The following FRMD3 variants were observed in gnomAD, a reference collection of about 807,000 sequenced individuals.
FRMD3 encodes the protein FERM domain containing 3.
Under a neutral mutation model 70.2 loss-of-function variants are expected in FRMD3, and 33 were observed. The ratio of observed to expected loss-of-function variants is 0.47; its 90% CI spans 0.36 to 0.63. FRMD3 has a LOEUF of 0.63. Among genes scored for constraint, FRMD3 ranks in the 20% least tolerant of loss-of-function variants. FRMD3 has a pLI of 0.00. For missense variants in FRMD3, 632 were observed against 711.4 expected (o/e 0.89, Z 1.27); for synonymous variants, 279 against 255.9 (o/e 1.09, Z -0.86).
chr9:83,309,684 G>C, intron 9 of FRMD3, 60 bp from the exon 10 acceptor site: 1 of 1,098,362 alleles, frequency 9.1e-7, no homozygotes, highest in Non-Finnish European at 1.3e-6. Flanking sequence ...ATTTTCCATG[G>C]GTTTTTTTTT....
At chr9:83,394,924 A>G (rs1263822651) in intron 1 of FRMD3, among the ~76,000 whole-genome samples, 1 of 152,178 alleles carries the variant, frequency 6.6e-6, no homozygotes, top group Non-Finnish European at 1.5e-5. Flanking sequence ...TCCTTCCATA[A>G]TGGGAGAATA....
intron 1 of FRMD3, among the ~76,000 whole-genome samples, chr9:83,393,852 G>A (rs1260620023): frequency 6.6e-6 from 1 of 151,942 alleles, no homozygotes; most frequent in Admixed American, 6.6e-5. Context: ...GAGGCCCGGG[G>A]ATTGGATCCC....
chr9:83,332,682 T>C (rs1823429194), intron 6 of FRMD3, among the ~76,000 whole-genome samples: 1 of 152,162 alleles, frequency 6.6e-6, no homozygotes, highest in Non-Finnish European at 1.5e-5. Flanking sequence ...TGAGCACCTG[T>C]TGTGTTTTAT....
At chr9:83,385,391 C>A (rs920528854) in intron 2 of FRMD3, among the ~76,000 whole-genome samples, 8 of 152,074 alleles carry the variant, frequency 5.3e-5, no homozygotes, top group African/African-American at 1.9e-4. Context: ...AGTATTCAAC[C>A]TATCCTTCCC....
chr9:83,251,377 AG>A (rs746130882), intron 13 of FRMD3, among the ~76,000 whole-genome samples: 3 of 152,216 alleles, frequency 2.0e-5, no homozygotes, highest in Non-Finnish European at 4.4e-5. Context: ...GCAACCATAA[AG>A]ATCGAAGATA....
intron 13 of FRMD3, among the ~76,000 whole-genome samples, chr9:83,269,756 A>G (rs774129868): frequency 6.6e-6 from 1 of 152,146 alleles, no homozygotes; most frequent in Non-Finnish European, 1.5e-5. Context: ...AACAAACAAA[A>G]GTATTATTAT....
chr9:83,509,561 G>A lies in FRMD3; in HGVS notation c.147+28524C>T, dbSNP rs116184168. ...CAGGAGCAGCTCGTTTAATTGTTTC[G>A]TCCTGTGGTCCTTATCCTGGGAAAA... On this transcript the variant is annotated intron_variant, in intron 1 of 13. Coordinates refer to ENST00000304195, the MANE Select transcript of FRMD3 (RefSeq NM_174938.6). 6.6e-3 allele frequency among the ~76,000 whole-genome samples: 1,006 copies of A among 152,232 alleles called. 10 individuals carry two copies. The highest frequency in any genetic ancestry group is 0.023 in the African/African-American group (939 of 41,524).
intron 13 of FRMD3, among the ~76,000 whole-genome samples, chr9:83,260,179 G>A (rs571444997): frequency 2.6e-5 from 4 of 152,264 alleles, no homozygotes; most frequent in Non-Finnish European, 5.9e-5. Flanking sequence ...GGAGACAGGG[G>A]CACTAAGATT....
chr9:83,503,977 T>C (rs985177838), intron 1 of FRMD3, among the ~76,000 whole-genome samples: 3 of 152,170 alleles, frequency 2.0e-5, no homozygotes, highest in Non-Finnish European at 4.4e-5. Context: ...CTGTAGCTGG[T>C]GACAAGGGCG....
At chr9:83,542,043 G>A (rs1242778808), upstream of FRMD3, among the ~76,000 whole-genome samples, 1 of 152,050 alleles carries the variant, frequency 6.6e-6, no homozygotes, top group Non-Finnish European at 1.5e-5. Flanking sequence ...CTCCCAAGTA[G>A]CTGGGATGAC....
intron 1 of FRMD3, among the ~76,000 whole-genome samples, chr9:83,470,446 G>A (rs1828242055): frequency 6.6e-6 from 1 of 152,212 alleles, no homozygotes; most frequent in Non-Finnish European, 1.5e-5. Flanking sequence ...TTTGAGATTT[G>A]AGAGAGAACA....
the FRMD3 span, among the ~76,000 whole-genome samples, chr9:83,551,216 T>TATTTTATCAAATA: frequency 6.6e-6 from 1 of 152,234 alleles, no homozygotes; most frequent in Non-Finnish European, 1.5e-5. Flanking sequence ...AAGCCTTTTC[T>TATTTTATCAAATA]GCATCTATTA....
chr9:83,496,765 A>G (rs1313847033), intron 1 of FRMD3, among the ~76,000 whole-genome samples: 1 of 152,204 alleles, frequency 6.6e-6, no homozygotes, highest in African/African-American at 2.4e-5. Context: ...CAGGGTCTGT[A>G]GCACAAGGGT....
intron 12 of FRMD3, among the ~76,000 whole-genome samples, chr9:83,291,523 C>T (rs1379968810): frequency 6.6e-6 from 1 of 152,162 alleles, no homozygotes; most frequent in East Asian, 1.9e-4. Flanking sequence ...CAAATGTTTC[C>T]TTCCCCTGGA....
chr9:83,522,191 T>C (rs1829585085), intron 1 of FRMD3, among the ~76,000 whole-genome samples: 1 of 152,344 alleles, frequency 6.6e-6, no homozygotes, highest in South Asian at 2.1e-4. Context: ...TGACAAAATA[T>C]CAGTAATCCA....
chr9:83,457,894 C>T (rs1380911433), intron 1 of FRMD3, among the ~76,000 whole-genome samples: 2 of 149,594 alleles, frequency 1.3e-5, no homozygotes, highest in Non-Finnish European at 3.0e-5. Context: ...TCACATTGTA[C>T]ACTTCAAACA....
intron 1 of FRMD3, among the ~76,000 whole-genome samples, chr9:83,533,555 C>T (rs1050775861): frequency 6.6e-5 from 10 of 152,258 alleles, no homozygotes; most frequent in South Asian, 2.1e-4. Context: ...ATCTGATTCC[C>T]GATCTAATGC....
chr9:83,376,877 G>T (rs961504161), intron 2 of FRMD3, among the ~76,000 whole-genome samples: 20 of 152,188 alleles, frequency 1.3e-4, no homozygotes, highest in Admixed American at 9.8e-4. Flanking sequence ...AGAAATAGGT[G>T]TGCAACAAGC....
intron 1 of FRMD3, among the ~76,000 whole-genome samples, chr9:83,515,285 T>C (rs531220784): frequency 6.6e-6 from 1 of 152,154 alleles, no homozygotes; most frequent in African/African-American, 2.4e-5. Context: ...AATGACCTGA[T>C]GGAGCTGAAA....
Sources: allele counts gnomAD v4.1 joint callset (sites outside exome capture counted in the v4.1 genomes callset), GRCh38; gene constraint gnomAD v4.1.1; transcripts MANE v1.5; gene names NCBI Gene and HGNC (gene_info 2026-07-23, HGNC 2026-07-21).